Variants in DNAJC3 observed in about 807,000 individuals in gnomAD.
DNAJC3 encodes dnaJ homolog subfamily C member 3.
In DNAJC3, 38 loss-of-function variants were observed where a neutral mutation model predicts 68.6. That is an observed-to-expected ratio of 0.55 (90% CI 0.43 to 0.73). The LOEUF is 0.73. Ranked by LOEUF, DNAJC3 falls within the 30% of genes least tolerant of loss-of-function variation. The probability of loss-of-function intolerance (pLI) is 0.00; values close to 1 mark genes in which losing one functional copy is unlikely to be tolerated. For missense variants in DNAJC3, 526 were observed against 591.9 expected (o/e 0.89, Z 1.16); for synonymous variants, 203 against 204.0 (o/e 1.00, Z 0.04).
rs1328181799 is a variant in DNAJC3, at chr13:95,758,689, GT to G, written c.546+894del. On this transcript the variant is annotated intron_variant, in intron 5 of 11. Transcript: ENST00000602402. ...GAGAGTTCTAGCTAGGGAAACCTGA[GT>G]CTAGGTTTCCTTGCCTCTGAAGGAT... Among the ~76,000 whole-genome samples, 13 of 152,074 alleles carry G rather than the reference GT, an allele frequency of 8.5e-5. No homozygotes were observed. The East Asian group carries it at 2.3e-3, about 27-fold the overall frequency.
intron 9 of DNAJC3, among the ~76,000 whole-genome samples, chr13:95,779,176 G>A (rs573273540): frequency 1.5e-5 from 2 of 135,592 alleles, no homozygotes; most frequent in South Asian, 4.6e-4. Context: ...CCAGGCTGGA[G>A]TGCAGTGGCA....
intron 2 of DNAJC3, among the ~76,000 whole-genome samples, chr13:95,719,904 T>C (rs1179720413): frequency 6.6e-6 from 1 of 152,230 alleles, no homozygotes; most frequent in Non-Finnish European, 1.5e-5. Flanking sequence ...AGAAATCTAA[T>C]GTAGTTTACC....
chr13:95,754,436 A>G (rs575249984), intron 4 of DNAJC3, among the ~76,000 whole-genome samples: 1 of 152,314 alleles, frequency 6.6e-6, no homozygotes, highest in South Asian at 2.1e-4. Flanking sequence ...CACTTTGGTC[A>G]TACTCTGTTT....
At chr13:95,707,000 AC>A (rs1244997803) in intron 1 of DNAJC3, among the ~76,000 whole-genome samples, 1 of 152,124 alleles carries the variant, frequency 6.6e-6, no homozygotes, top group Non-Finnish European at 1.5e-5. Flanking sequence ...CCTTTTTGGC[AC>A]CAGGGATTGG....
intron 1 of DNAJC3, among the ~76,000 whole-genome samples, chr13:95,679,198 A>AC (rs1454512745): frequency 1.6e-5 from 1 of 60,646 alleles, no homozygotes; most frequent in Non-Finnish European, 3.0e-5. Flanking sequence ...AAAAATCAGC[A>AC]CTTTTTTTTT....
chr13:95,791,284 G>C lies in DNAJC3; in HGVS notation c.*254G>C, dbSNP rs1883765376. On this transcript the variant is annotated 3_prime_UTR_variant, in exon 12 of 12. Transcript: ENST00000602402. ...TGCTTTATGCTGTCTGGAGGGAAGT[G>C]GTCTGAGGCAGGCTCACCCGTGGAA... 1 of 480,238 alleles carries C rather than the reference G, an allele frequency of 2.1e-6. No homozygotes were observed. The highest frequency in any genetic ancestry group is 3.7e-6 in the Non-Finnish European group (1 of 270,828). 29.7% of individuals were successfully genotyped at this position (480,238 alleles called of 1,614,324 possible). A position where few individuals can be genotyped will look rare whatever the true frequency, so the allele number is the denominator to read the frequency against.
chr13:95,706,605 T>G (rs917084802), intron 1 of DNAJC3, among the ~76,000 whole-genome samples: 2 of 152,164 alleles, frequency 1.3e-5, no homozygotes, highest in Non-Finnish European at 2.9e-5. Context: ...CATCCTCTTT[T>G]AAGGCATCCA....
intron 5 of DNAJC3, 147 bp downstream of exon 5, chr13:95,757,943 G>C (rs1030761310): frequency 1.5e-5 from 13 of 842,008 alleles, no homozygotes; most frequent in Non-Finnish European, 2.0e-5. Flanking sequence ...ATAAAATAGT[G>C]TTCCTAGACA....
intron 4 of DNAJC3, among the ~76,000 whole-genome samples, chr13:95,749,240 C>T (rs1408741685): frequency 6.6e-6 from 1 of 152,212 alleles, no homozygotes; most frequent in Non-Finnish European, 1.5e-5. Context: ...GGAATTTAAA[C>T]TCAGCATGTG....
At chr13:95,764,724 A>G (rs1175722198) in intron 9 of DNAJC3, among the ~76,000 whole-genome samples, 3 of 130,140 alleles carry the variant, frequency 2.3e-5, no homozygotes, top group African/African-American at 9.7e-5. Flanking sequence ...ATATACACAT[A>G]TATATATATA....
At chr13:95,777,245 A>C (rs140424581) in intron 9 of DNAJC3, among the ~76,000 whole-genome samples, 2,541 of 152,156 alleles carry the variant, frequency 0.017, 37 homozygotes, top group South Asian at 0.046. Flanking sequence ...GACTAATGTT[A>C]TGGAAAACCT....
intron 1 of DNAJC3, among the ~76,000 whole-genome samples, chr13:95,690,405 ACCAT>A (rs1880197030): frequency 6.6e-6 from 1 of 151,158 alleles, no homozygotes; most frequent in Non-Finnish European, 1.5e-5. Context: ...AGACACGGCA[ACCAT>A]CCGATTTCTC....
chr13:95,700,263 T>G (rs1228124000), intron 1 of DNAJC3, among the ~76,000 whole-genome samples: 1 of 152,220 alleles, frequency 6.6e-6, no homozygotes, highest in Non-Finnish European at 1.5e-5. Context: ...CAGGCACCTT[T>G]ACTTATGAAA....
At chr13:95,701,112 G>A (rs17885875) in intron 1 of DNAJC3, among the ~76,000 whole-genome samples, 2,018 of 152,250 alleles carry the variant, frequency 0.013, 46 homozygotes, top group African/African-American at 0.047. Context: ...TTTCAGGTGA[G>A]CCTTCAGGGG....
At chr13:95,719,274 A>G (rs368146730) in intron 2 of DNAJC3, among the ~76,000 whole-genome samples, 5 of 152,224 alleles carry the variant, frequency 3.3e-5, no homozygotes, top group African/African-American at 1.2e-4. Flanking sequence ...TTTTGGCTGC[A>G]TGGAAGTTCT....
Position 95,791,151 on chromosome 13 carries a change from C to A in DNAJC3, c.*121C>A. 1 of 1,166,488 alleles carries A rather than the reference C, an allele frequency of 8.6e-7. No individual in the cohort carries two copies. Among genetic ancestry groups the A allele is most frequent in the Non-Finnish European group, 1.2e-6 (1 of 828,756 alleles). The allele number at this position is 1,166,488 out of a possible 1,614,324, so 72.3% of individuals were successfully genotyped here. On this transcript the variant is annotated 3_prime_UTR_variant, in exon 12 of 12. Coordinates refer to ENST00000602402, the MANE Select transcript of DNAJC3 (RefSeq NM_006260.5). ...CAGTTTGTCCATGACCAAAGAGTTG[C>A]TTTAATAGGAAAAAATCTGTTCTTA...
At chr13:95,773,891 C>T (rs889717849) in intron 9 of DNAJC3, among the ~76,000 whole-genome samples, 1 of 152,000 alleles carries the variant, frequency 6.6e-6, no homozygotes, top group African/African-American at 2.4e-5. Flanking sequence ...TGTGCACCAC[C>T]ACACCCAGCT....
intron 4 of DNAJC3, among the ~76,000 whole-genome samples, chr13:95,749,962 A>C (rs1882422864): frequency 6.6e-6 from 1 of 152,166 alleles, no homozygotes; most frequent in Admixed American, 6.5e-5. Flanking sequence ...AGGCAGGAGA[A>C]TTGCTTGAAC....
chr13:95,767,638 A>G (rs1883027911), intron 9 of DNAJC3, among the ~76,000 whole-genome samples: 1 of 151,326 alleles, frequency 6.6e-6, no homozygotes, highest in Non-Finnish European at 1.5e-5. Flanking sequence ...CAATTTTACC[A>G]GCAGTGTATT....
Sources: allele counts gnomAD v4.1 joint callset (sites outside exome capture counted in the v4.1 genomes callset), GRCh38; gene constraint gnomAD v4.1.1; transcripts MANE v1.5; gene names NCBI Gene and HGNC (gene_info 2026-07-23, HGNC 2026-07-21).